LRRC4C: variants seen among roughly 807,000 people sequenced by gnomAD.
LRRC4C encodes the protein leucine-rich repeat-containing protein 4C.
Under a neutral mutation model 33.6 loss-of-function variants are expected in LRRC4C, and 5 were observed. The ratio of observed to expected loss-of-function variants is 0.15; its 90% CI spans 0.08 to 0.31. The LOEUF (loss-of-function observed/expected upper bound fraction) is 0.31. LRRC4C is among the 10% of genes least tolerant of loss of function. LRRC4C has a pLI of 1.00. For synonymous variants in LRRC4C, 329 were observed against 302.0 expected (o/e 1.09, Z -0.93); for missense variants, 560 against 796.7 (o/e 0.70, Z 3.58).
intron 1 of LRRC4C, among the ~76,000 whole-genome samples, chr11:41,242,112 T>G (rs569646812): frequency 6.6e-6 from 1 of 152,252 alleles, no homozygotes; most frequent in East Asian, 1.9e-4. Context: ...GTATTTTGCC[T>G]TTTTTGCAAG....
intron 3 of LRRC4C, among the ~76,000 whole-genome samples, chr11:40,367,300 A>C (rs1424208658): frequency 1.3e-5 from 2 of 152,070 alleles, no homozygotes; most frequent in Admixed American, 1.3e-4. Flanking sequence ...ATATAGAACA[A>C]CACAGATGCA....
At chr11:40,942,638 A>G (rs1958208509) in intron 1 of LRRC4C, among the ~76,000 whole-genome samples, 1 of 152,128 alleles carries the variant, frequency 6.6e-6, no homozygotes, top group Admixed American at 6.6e-5. Context: ...GAGCAAGGTG[A>G]GTTATACAAA....
chr11:40,306,764 C>T (rs554632029), intron 4 of LRRC4C, among the ~76,000 whole-genome samples: 1 of 152,318 alleles, frequency 6.6e-6, no homozygotes, highest in South Asian at 2.1e-4. Context: ...TTCAGAGACT[C>T]TCATTAGCTG....
intron 1 of LRRC4C, among the ~76,000 whole-genome samples, chr11:41,173,690 T>C (rs996651065): frequency 1.2e-4 from 18 of 152,088 alleles, no homozygotes; most frequent in African/African-American, 4.1e-4. Context: ...GCCTACATTC[T>C]TTTCTTCCGA....
At chr11:41,320,047 A>G (rs1274377527) in intron 1 of LRRC4C, among the ~76,000 whole-genome samples, 2 of 152,234 alleles carry the variant, frequency 1.3e-5, no homozygotes, top group African/African-American at 4.8e-5. Context: ...CAGATATAAA[A>G]AAGTATAGAA....
chr11:40,597,218 G>C (rs780188600), intron 3 of LRRC4C, among the ~76,000 whole-genome samples: 1 of 151,930 alleles, frequency 6.6e-6, no homozygotes, highest in Non-Finnish European at 1.5e-5. Flanking sequence ...GGCATTTTAC[G>C]TATTTGTGCT....
intron 3 of LRRC4C, among the ~76,000 whole-genome samples, chr11:40,585,482 T>C (rs1170045698): frequency 6.6e-6 from 1 of 151,908 alleles, no homozygotes; most frequent in African/African-American, 2.4e-5. Flanking sequence ...ATTTCTTTTT[T>C]TTTTTATACT....
At chr11:40,625,806 GT>G (rs1350602602) in intron 3 of LRRC4C, among the ~76,000 whole-genome samples, 1 of 152,044 alleles carries the variant, frequency 6.6e-6, no homozygotes, top group Non-Finnish European at 1.5e-5. Flanking sequence ...TAGGATTGCT[GT>G]CATCACTTCC....
chr11:41,352,730 A>G (rs895612860), intron 1 of LRRC4C, among the ~76,000 whole-genome samples: 1 of 152,182 alleles, frequency 6.6e-6, no homozygotes. Flanking sequence ...TTTCAAAACC[A>G]TAGAATTACA....
Position 40,505,999 on chromosome 11 carries a change from A to T in LRRC4C, c.-270+142143T>A, listed in dbSNP as rs192169015. 1.8e-3 allele frequency among the ~76,000 whole-genome samples: 269 copies of T among 152,206 alleles called. 3 individuals carry two copies. Among genetic ancestry groups the T allele is most frequent in the African/African-American group, 6.4e-3 (265 of 41,530 alleles). On this transcript the variant is annotated intron_variant, in intron 3 of 6. Coordinates refer to ENST00000528697, the MANE Select transcript of LRRC4C (RefSeq NM_001258419.2). ...TTTTCCTGGAAACTTCATTTTTAAC[A>T]TATTGTTACATAGTGAATTCAAGGT...
At chr11:40,931,012 G>A (rs1310281324) in intron 2 of LRRC4C, among the ~76,000 whole-genome samples, 1 of 152,172 alleles carries the variant, frequency 6.6e-6, no homozygotes, top group Non-Finnish European at 1.5e-5. Context: ...GTGCTTGTAG[G>A]AAAACTTTAA....
At chr11:41,095,723 A>T (rs1940766691) in intron 1 of LRRC4C, among the ~76,000 whole-genome samples, 1 of 152,244 alleles carries the variant, frequency 6.6e-6, no homozygotes, top group Non-Finnish European at 1.5e-5. Flanking sequence ...TCTTTAATTC[A>T]GGAATTTGGG....
intron 5 of LRRC4C, among the ~76,000 whole-genome samples, chr11:40,167,307 G>A (rs1357841603): frequency 6.6e-6 from 1 of 152,158 alleles, no homozygotes; most frequent in African/African-American, 2.4e-5. Context: ...GTGTACCAGT[G>A]AAGATGCAGA....
intron 4 of LRRC4C, among the ~76,000 whole-genome samples, chr11:40,264,226 T>C (rs191135428): frequency 2.0e-5 from 3 of 152,324 alleles, no homozygotes; most frequent in African/African-American, 7.2e-5. Context: ...CGTTCTTTCC[T>C]TTCCAGGAAG....
intron 1 of LRRC4C, among the ~76,000 whole-genome samples, chr11:41,103,444 G>C (rs1051974567): frequency 6.6e-6 from 1 of 150,980 alleles, no homozygotes; most frequent in African/African-American, 2.5e-5. Context: ...ATAATACACT[G>C]AGTAGTCATA....
intron 2 of LRRC4C, among the ~76,000 whole-genome samples, chr11:40,871,774 G>A (rs948074851): frequency 2.6e-5 from 4 of 152,170 alleles, no homozygotes; most frequent in East Asian, 1.9e-4. Flanking sequence ...TGAGTCACAC[G>A]CTGTACTTTT....
rs532915753 is a variant in LRRC4C at position 41,209,671 on chromosome 11, A to G, written c.-496+249760T>C. On this transcript the variant is annotated intron_variant, in intron 1 of 6. Transcript: ENST00000528697. The stretch of plus-strand genomic sequence containing the variant: ...AAAAAAAAAAAAAATTAAAGAGAAA[A>G]AAAGACTTTGGATTTGGAATTGATG... Among the ~76,000 whole-genome samples, 4 of 152,100 alleles carry G rather than the reference A, an allele frequency of 2.6e-5. No individual in the cohort carries two copies. The East Asian group carries it at 7.8e-4, about 30-fold the overall frequency.
At chr11:40,638,975 G>A (rs959362302) in intron 3 of LRRC4C, among the ~76,000 whole-genome samples, 9 of 151,996 alleles carry the variant, frequency 5.9e-5, no homozygotes, top group Non-Finnish European at 1.0e-4. Flanking sequence ...AGGCTTAACA[G>A]CTCCGAGGCT....
At chr11:40,916,774 A>C (rs1029417973) in intron 2 of LRRC4C, among the ~76,000 whole-genome samples, 1 of 151,996 alleles carries the variant, frequency 6.6e-6, no homozygotes, top group African/African-American at 2.4e-5. Context: ...AGACACAATG[A>C]CTATTGAGAC....
Sources: gnomAD v4.1 joint callset for allele counts (sites outside exome capture counted in the v4.1 genomes callset) on GRCh38, gnomAD v4.1.1 for gene constraint, MANE v1.5 for transcripts, NCBI Gene and HGNC (gene_info 2026-07-23, HGNC 2026-07-21) for gene names.